PPP1R42: variants seen among roughly 807,000 people sequenced by gnomAD.
PPP1R42 encodes the protein leucine rich repeat containing 67.
Under a neutral mutation model 31.0 loss-of-function variants are expected in PPP1R42, and 34 were observed. That is an observed-to-expected ratio of 1.10 (90% CI 0.83 to 1.46). The LOEUF is 1.46. Ranked by LOEUF, PPP1R42 falls within the 40% of genes most tolerant of loss-of-function variation. The pLI is 0.00. For missense variants in PPP1R42, 268 were observed against 303.0 expected, an observed-to-expected ratio of 0.88 and a Z score of 0.86; for synonymous variants, 103 against 109.8, an observed-to-expected ratio of 0.94 and a Z score of 0.39.
chr8:66,997,388 C>T (rs1483503777), intron 5 of PPP1R42, among the ~76,000 whole-genome samples: 1 of 151,974 alleles, frequency 6.6e-6, no homozygotes, highest in African/African-American at 2.4e-5. Context: ...CTGTCTCAAC[C>T]TCCTGGGCTT....
intron 6 of PPP1R42, among the ~76,000 whole-genome samples, chr8:66,982,721 G>A (rs1038721140): frequency 6.6e-6 from 1 of 152,132 alleles, no homozygotes; most frequent in Non-Finnish European, 1.5e-5. Flanking sequence ...GCCTCCCAAA[G>A]TGCTGGGATT....
At chr8:67,004,085 G>A (rs951978101) in intron 5 of PPP1R42, among the ~76,000 whole-genome samples, 9 of 145,000 alleles carry the variant, frequency 6.2e-5, no homozygotes, top group South Asian at 2.1e-4. Flanking sequence ...GCGAGACTCC[G>A]TCTCAAAAAA....
chr8:67,003,036 G>A (rs1815551115), intron 5 of PPP1R42, among the ~76,000 whole-genome samples: 1 of 150,254 alleles, frequency 6.7e-6, no homozygotes, highest in African/African-American at 2.4e-5. Flanking sequence ...GTGGTGGCGG[G>A]TGCCTGTAAT....
rs777897140 is a variant in PPP1R42, at chr8:67,017,744, C to G, written c.4G>C (p.Val2Leu). Residue 2 changes from valine to leucine, a missense_variant, in exon 2 of 8, where the codon GTT (valine) becomes CTT (leucine). Coordinates refer to ENST00000685739, the MANE Select transcript of PPP1R42 (RefSeq NM_001364910.1). M[V>L]RLTLDLIARN... ...GCAATTAGATCCAAGGTCAGTCGAA[C>G]CATAATTTCTTTATAAATCAAACTC... The G allele has an allele frequency of 1.9e-6, 3 of 1,578,858 alleles. No homozygotes were observed. The highest frequency in any genetic ancestry group is 1.2e-5 in the South Asian group (1 of 81,854).
intron 7 of PPP1R42, among the ~76,000 whole-genome samples, chr8:66,979,937 T>A (rs896824939): frequency 2.6e-5 from 4 of 152,260 alleles, no homozygotes; most frequent in Admixed American, 2.0e-4. Context: ...TGAAAGAAAC[T>A]ACATTATTTT....
At chr8:67,015,315 C>G (rs1815982288) in intron 2 of PPP1R42, among the ~76,000 whole-genome samples, 1 of 152,096 alleles carries the variant, frequency 6.6e-6, no homozygotes, top group Admixed American at 6.6e-5. Context: ...CCGCGCCCAG[C>G]CTCATAGATT....
chr8:66,988,812 A>C (rs1228947727), intron 5 of PPP1R42, among the ~76,000 whole-genome samples: 1 of 152,198 alleles, frequency 6.6e-6, no homozygotes, highest in Non-Finnish European at 1.5e-5. Flanking sequence ...TTTCCTGCAG[A>C]AGATGCCCTA....
At chr8:66,999,059 CT>C (rs1311804006) in intron 5 of PPP1R42, among the ~76,000 whole-genome samples, 1 of 151,942 alleles carries the variant, frequency 6.6e-6, no homozygotes, top group Admixed American at 6.6e-5. Context: ...TGTTTTCTTT[CT>C]TTTTTCTTTC....
intron 5 of PPP1R42, among the ~76,000 whole-genome samples, chr8:66,989,467 G>A (rs537591984): frequency 4.6e-5 from 7 of 152,114 alleles, no homozygotes; most frequent in Non-Finnish European, 7.4e-5. Flanking sequence ...TGATAATGAA[G>A]TACACTTTGA....
intron 7 of PPP1R42, among the ~76,000 whole-genome samples, chr8:66,980,190 T>C (rs1473511911): frequency 2.0e-5 from 3 of 152,170 alleles, no homozygotes; most frequent in Non-Finnish European, 4.4e-5. Context: ...TATTATCAAC[T>C]AAGAAAATCC....
In PPP1R42 at chr8:67,014,594, T is replaced by A; in HGVS notation, c.130-2A>T. 6.6e-7 allele frequency: 1 copy of A among 1,518,080 alleles called. No individual in the cohort carries two copies. Among genetic ancestry groups the A allele is most frequent in the Non-Finnish European group, 8.9e-7 (1 of 1,124,856 alleles). 94.0% of individuals were successfully genotyped at this position (1,518,080 alleles called of 1,614,324 possible). A position where few individuals can be genotyped will look rare whatever the true frequency, so the allele number is the denominator to read the frequency against. The stretch of plus-strand genomic sequence containing the variant: ...ATTTTTGCAAAGAGAGAGGTCTTCC[T>A]AAAAGGGAAACAAAAACATGTCAAA... On this transcript the variant is annotated splice_acceptor_variant, in intron 2 of 7. Coordinates refer to ENST00000685739, the MANE Select transcript of PPP1R42 (RefSeq NM_001364910.1). LOFTEE classifies it high-confidence loss of function.
chr8:66,974,247 G>C (rs1424471535), intron 7 of PPP1R42, among the ~76,000 whole-genome samples: 1 of 152,050 alleles, frequency 6.6e-6, no homozygotes, highest in African/African-American at 2.4e-5. Context: ...TCTGTAACAC[G>C]TGTTGCCTTT....
At chr8:67,026,966 T>C (rs1481206577) in intron 1 of PPP1R42, 3 of 151,664 alleles carry the variant, frequency 2.0e-5, no homozygotes, top group East Asian at 3.9e-4. Flanking sequence ...AGTGGTGCGA[T>C]TTCGGCACAC....
intron 5 of PPP1R42, among the ~76,000 whole-genome samples, chr8:67,009,014 GA>G (rs1298839057): frequency 2.0e-5 from 3 of 151,958 alleles, no homozygotes; most frequent in African/African-American, 4.8e-5. Context: ...CTCATGCCTA[GA>G]ATCCCAGCAC....
chr8:66,975,401 A>G (rs1025994754), intron 7 of PPP1R42, among the ~76,000 whole-genome samples: 9 of 152,178 alleles, frequency 5.9e-5, no homozygotes, highest in Admixed American at 1.3e-4. Flanking sequence ...TAATCCCAGG[A>G]CTTTGGAAGG....
chr8:66,971,153 A>C, intron 7 of PPP1R42: 1 of 1,468,992 alleles, frequency 6.8e-7, no homozygotes, highest in Non-Finnish European at 8.9e-7. Context: ...GTAGCACACA[A>C]AGAAATAAAA....
At chr8:66,989,065 A>T (rs989468086) in intron 5 of PPP1R42, among the ~76,000 whole-genome samples, 5 of 152,166 alleles carry the variant, frequency 3.3e-5, no homozygotes, top group Admixed American at 2.6e-4. Context: ...ATATGCTGTT[A>T]TGTATCCTTC....
rs142677791 is a variant in PPP1R42, at chr8:66,972,649, C to T, written c.803-8315G>A. ...AGGTGATCTGCCCACCTCAGCCTCC[C>T]AAAGTCCTGGGATTACAGGCATGAG... On this transcript the variant is annotated intron_variant, in intron 7 of 7. Transcript: ENST00000685739. 1.9e-3 allele frequency among the ~76,000 whole-genome samples: 284 copies of T among 152,260 alleles called. 4 individuals carry two copies. Among genetic ancestry groups the T allele is most frequent in the African/African-American group, 6.6e-3 (273 of 41,536 alleles).
At chr8:66,985,210 G>T in intron 6 of PPP1R42, 1 of 1,126,508 alleles carries the variant, frequency 8.9e-7, no homozygotes, top group Non-Finnish European at 1.4e-6. Context: ...TAATCGCTGA[G>T]CAGTCTTCTC....
Sources: allele counts gnomAD v4.1 joint callset (sites outside exome capture counted in the v4.1 genomes callset), GRCh38; gene constraint gnomAD v4.1.1; transcripts MANE v1.5; gene names NCBI Gene and HGNC (gene_info 2026-07-23, HGNC 2026-07-21).